NEDD4L: variants seen among roughly 807,000 people sequenced by gnomAD.
NEDD4L encodes the protein E3 ubiquitin-protein ligase NEDD4-like.
NEDD4L carries 54 observed loss-of-function variants against 148.9 expected under a neutral mutation model. That is an observed-to-expected ratio of 0.36 (90% CI 0.29 to 0.45). The LOEUF is 0.45. Among genes scored for constraint, NEDD4L ranks in the 20% least tolerant of loss-of-function variants. The probability of loss-of-function intolerance (pLI) is 1.00; values close to 1 mark genes in which losing one functional copy is unlikely to be tolerated. For synonymous variants in NEDD4L, 433 were observed against 440.7 expected (o/e 0.98, Z 0.22); for missense variants, 856 against 1,233.8 (o/e 0.69, Z 4.59).
intron 5 of NEDD4L, among the ~76,000 whole-genome samples, chr18:58,262,187 G>A (rs1280000402): frequency 6.6e-6 from 1 of 152,222 alleles, no homozygotes; most frequent in Non-Finnish European, 1.5e-5. Flanking sequence ...GACGGAATGT[G>A]TTAAATATTA....
At chr18:58,078,797 G>T (rs927983660) in intron 1 of NEDD4L, among the ~76,000 whole-genome samples, 1 of 152,176 alleles carries the variant, frequency 6.6e-6, no homozygotes, top group Non-Finnish European at 1.5e-5. Context: ...AAGGTGAAAC[G>T]TGGTATTGGT....
chr18:58,177,817 T>C (rs1404798404), intron 2 of NEDD4L, among the ~76,000 whole-genome samples: 1 of 152,240 alleles, frequency 6.6e-6, no homozygotes, highest in Non-Finnish European at 1.5e-5. Context: ...ATAAAATTAT[T>C]GAATAATTCT....
intron 2 of NEDD4L, among the ~76,000 whole-genome samples, chr18:58,219,360 G>A (rs2147892615): frequency 6.6e-6 from 1 of 152,310 alleles, no homozygotes; most frequent in African/African-American, 2.4e-5. Flanking sequence ...GAAGTGTATG[G>A]TTATGGGGGA....
chr18:58,212,089 G>A (rs1347106817), intron 2 of NEDD4L, among the ~76,000 whole-genome samples: 2 of 152,080 alleles, frequency 1.3e-5, no homozygotes, highest in South Asian at 2.1e-4. Context: ...AATTTGATAC[G>A]CACAAGCTAT....
intron 5 of NEDD4L, 65 bp from the exon 6 acceptor site, chr18:58,315,917 T>G: frequency 3.6e-6 from 5 of 1,374,232 alleles, no homozygotes; most frequent in Non-Finnish European, 5.2e-6. Flanking sequence ...GATAAAACAT[T>G]TTTAGGAAAT....
intron 1 of NEDD4L, among the ~76,000 whole-genome samples, chr18:58,155,544 G>T (rs1178597863): frequency 6.6e-6 from 1 of 152,204 alleles, no homozygotes; most frequent in Non-Finnish European, 1.5e-5. Context: ...GCATGGATGG[G>T]TGATGAGGCT....
At chr18:58,246,967 A>G (rs1437684327) in intron 3 of NEDD4L, among the ~76,000 whole-genome samples, 1 of 152,060 alleles carries the variant, frequency 6.6e-6, no homozygotes, top group African/African-American at 2.4e-5. Context: ...TGAGCCCGGG[A>G]GATTGAGGTT....
Position 58,329,105 on chromosome 18 carries a change from C to T in NEDD4L, c.791C>T (p.Ser264Leu), listed in dbSNP as rs200330105. 26 of 1,613,806 alleles carry T rather than the reference C, an allele frequency of 1.6e-5. No individual in the cohort carries two copies. Among genetic ancestry groups the T allele is most frequent in the Non-Finnish European group, 1.7e-5 (20 of 1,179,866 alleles). The change falls in exon 10 of 31, where the codon TCG becomes TTG. Residue 264 changes from serine to leucine, a missense_variant. Ser to Leu is a moderately radical substitution (Grantham distance 145, BLOSUM62 -2). Coordinates refer to ENST00000400345, the MANE Select transcript of NEDD4L (RefSeq NM_001144967.3). Reference sequence around the variant, plus strand: ...AGCGAAGACTTGGAGCCCGAGCCCTCGGAGGGCGGGGATGTCCCCGAGGTA... The same window carrying T: ...AGCGAAGACTTGGAGCCCGAGCCCTTGGAGGGCGGGGATGTCCCCGAGGTA... The part of the protein sequence containing the change: ...HISEDLEPEP[S>L]EGGDVPEPWE...
intron 5 of NEDD4L, among the ~76,000 whole-genome samples, chr18:58,265,885 T>C (rs2050153244): frequency 6.6e-6 from 1 of 151,712 alleles, no homozygotes; most frequent in South Asian, 2.1e-4. Flanking sequence ...ATTTATGGAG[T>C]TTATAAAGAA....
rs549094500 is a variant in NEDD4L, at chr18:58,158,442, G to A, written c.49-7346G>A. On this transcript the variant is annotated intron_variant, in intron 1 of 30. Coordinates refer to ENST00000400345, the MANE Select transcript of NEDD4L (RefSeq NM_001144967.3). ...TGTGGACCTGTTTCACAACCACACAGCATCATTTTTTGAAGGTAGAGTCAC... is the reference window on the plus strand; with the variant it reads ...TGTGGACCTGTTTCACAACCACACAACATCATTTTTTGAAGGTAGAGTCAC... 4.7e-4 allele frequency among the ~76,000 whole-genome samples: 71 copies of A among 152,328 alleles called. 1 individual carries two copies. In the South Asian group the frequency reaches 8.9e-3, roughly 19 times the overall value.
At position 58,165,537 on chromosome 18, in the gene NEDD4L, T is replaced by G. The variant is rs1446122672; in HGVS notation, c.49-251T>G. ...CTTTAAATGGCAGGAGTAATTGATC[T>G]TAATGACTTACTTTGAATTAAACTT... On this transcript the variant is annotated intron_variant, in intron 1 of 30. Coordinates refer to ENST00000400345, the MANE Select transcript of NEDD4L (RefSeq NM_001144967.3). The G allele has an allele frequency of 6.3e-6, 3 of 479,264 alleles. 1 individual carries two copies. The highest frequency in any genetic ancestry group is 8.2e-6 in the Non-Finnish European group (3 of 367,518). 29.7% of individuals were successfully genotyped at this position (479,264 alleles called of 1,614,324 possible). A position where few individuals can be genotyped will look rare whatever the true frequency, so the allele number is the denominator to read the frequency against.
At chr18:58,136,669 A>T (rs9949775) in intron 1 of NEDD4L, among the ~76,000 whole-genome samples, 3,059 of 152,294 alleles carry the variant, frequency 0.02, 104 homozygotes, top group African/African-American at 0.071. Context: ...AAGTGAAGCA[A>T]CATTCCAGAA....
At chr18:58,255,968 C>A in intron 5 of NEDD4L, 1 of 1,230,822 alleles carries the variant, frequency 8.1e-7, no homozygotes, top group African/African-American at 1.6e-5. Context: ...GTGCGGGCCG[C>A]CCGAGGGCGC....
chr18:58,273,722 C>T (rs947343163), intron 5 of NEDD4L, among the ~76,000 whole-genome samples: 2 of 152,180 alleles, frequency 1.3e-5, no homozygotes, highest in Admixed American at 6.5e-5. Context: ...ACAAGTTGGG[C>T]AAATGCACTT....
chr18:58,251,543 ATGTGTGTG>A (rs142558960), intron 4 of NEDD4L, among the ~76,000 whole-genome samples: 1 of 151,172 alleles, frequency 6.6e-6, no homozygotes, highest in African/African-American at 2.4e-5. Context: ...GTTTGTGTGT[ATGTGTGTG>A]TGTGTGTCTC....
At chr18:58,138,628 T>G (rs1167900798) in intron 1 of NEDD4L, among the ~76,000 whole-genome samples, 1 of 152,080 alleles carries the variant, frequency 6.6e-6, no homozygotes, top group Non-Finnish European at 1.5e-5. Flanking sequence ...CACTTAATGC[T>G]CACAGTTTTG....
chr18:58,270,636 A>T (rs907263234), intron 5 of NEDD4L, among the ~76,000 whole-genome samples: 13 of 152,182 alleles, frequency 8.5e-5, no homozygotes, highest in African/African-American at 3.1e-4. Context: ...TGGGCCTAGT[A>T]AGGTATATAG....
At position 58,256,230 on chromosome 18, in the gene NEDD4L, C is replaced by A. The variant is rs895825697; in HGVS notation, c.297+4176C>A. 8.1e-7 allele frequency: 1 copy of A among 1,227,396 alleles called. No homozygotes were observed. Among genetic ancestry groups the A allele is most frequent in the Non-Finnish European group, 1.0e-6 (1 of 985,178 alleles). The allele number at this position is 1,227,396 out of a possible 1,614,324, so 76.0% of individuals were successfully genotyped here. On this transcript the variant is annotated intron_variant, in intron 5 of 30. Coordinates refer to ENST00000400345, the MANE Select transcript of NEDD4L (RefSeq NM_001144967.3). This position sits in a 1 kb window ranked among gnomAD's most constrained non-coding sequence, Gnocchi z 5.2. ...GGCCTGCGCATCCAGCACCGCGCCTCCAGCGCCGACGTGCGCCAGGTGAGG... is the reference window on the plus strand; with the variant it reads ...GGCCTGCGCATCCAGCACCGCGCCTACAGCGCCGACGTGCGCCAGGTGAGG...
intron 1 of NEDD4L, among the ~76,000 whole-genome samples, chr18:58,105,786 A>G (rs760054482): frequency 1.3e-5 from 2 of 152,166 alleles, no homozygotes; most frequent in Non-Finnish European, 2.9e-5. Context: ...TTCTCCATCA[A>G]TGTTGCTTGC....
Sources: allele counts gnomAD v4.1 joint callset (sites outside exome capture counted in the v4.1 genomes callset), GRCh38; gene constraint gnomAD v4.1.1; non-coding constraint Gnocchi (gnomAD v3.1); transcripts MANE v1.5; gene names NCBI Gene and HGNC (gene_info 2026-07-23, HGNC 2026-07-21).